The following GPHN variants were observed in gnomAD, a reference collection of about 807,000 sequenced individuals.
The protein encoded by GPHN is gephyrin.
A neutral mutation model predicts 95.5 loss-of-function variants in GPHN; 17 were observed. The ratio of observed to expected loss-of-function variants is 0.18; its 90% CI spans 0.12 to 0.27. The LOEUF is 0.27. Ranked by LOEUF, GPHN falls within the 10% of genes least tolerant of loss-of-function variation. The pLI is 1.00. For missense variants in GPHN, 660 were observed against 978.1 expected, an observed-to-expected ratio of 0.67 and a Z score of 4.34; for synonymous variants, 320 against 322.5, an observed-to-expected ratio of 0.99 and a Z score of 0.08.
At chr14:67,666,226 T>C in the GPHN span, among the ~76,000 whole-genome samples, 5,572 of 152,210 alleles carry the variant, frequency 0.037, 296 homozygotes, top group African/African-American at 0.12. Context: ...AGTCATAAAT[T>C]CTCCTCCTTT....
the GPHN span, among the ~76,000 whole-genome samples, chr14:67,244,239 C>T: frequency 6.6e-6 from 1 of 152,128 alleles, no homozygotes; most frequent in African/African-American, 2.4e-5. Context: ...CATGTGTGGA[C>T]GCTTTCCTAG....
chr14:67,029,629 G>C (rs576549560), intron 10 of GPHN, among the ~76,000 whole-genome samples: 59 of 152,290 alleles, frequency 3.9e-4, no homozygotes, highest in African/African-American at 1.1e-3. Flanking sequence ...GAGCCACTGC[G>C]CCCAGCCTTA....
At chr14:66,859,141 C>A (rs1194435900) in intron 4 of GPHN, among the ~76,000 whole-genome samples, 1 of 152,100 alleles carries the variant, frequency 6.6e-6, no homozygotes, top group Admixed American at 6.6e-5. Context: ...ATCGTACAGC[C>A]TTAGTGCCTT....
the GPHN span, among the ~76,000 whole-genome samples, chr14:67,538,865 G>A: frequency 6.6e-6 from 1 of 152,104 alleles, no homozygotes; most frequent in Non-Finnish European, 1.5e-5. Context: ...CCCTAAACTA[G>A]GTATAATCTC....
intron 9 of GPHN, among the ~76,000 whole-genome samples, chr14:66,979,321 A>G (rs1011492576): frequency 6.6e-5 from 10 of 152,216 alleles, no homozygotes; most frequent in Non-Finnish European, 1.2e-4. Context: ...TGTTTTATCT[A>G]CACTGAAAAT....
the GPHN span, chr14:67,541,906 C>T: frequency 3.1e-6 from 5 of 1,604,786 alleles, no homozygotes; most frequent in Non-Finnish European, 4.3e-6. Context: ...CCAGCGTAGA[C>T]TGGCAGAAAC....
intron 2 of GPHN, among the ~76,000 whole-genome samples, chr14:66,770,404 T>TC (rs1469048614): frequency 2.0e-5 from 3 of 152,142 alleles, no homozygotes; most frequent in African/African-American, 7.2e-5. Context: ...CTCTGCTCAT[T>TC]CCTGCATCCA....
intron 2 of GPHN, among the ~76,000 whole-genome samples, chr14:66,720,735 T>C (rs8020249): frequency 0.31 from 47,841 of 152,064 alleles, 11,514 homozygotes; most frequent in African/African-American, 0.65. Flanking sequence ...CATGGTGGCT[T>C]ATGCCTGTAA....
the GPHN span, chr14:67,382,647 T>A: frequency 6.3e-7 from 1 of 1,594,660 alleles, no homozygotes; most frequent in East Asian, 2.2e-5. Flanking sequence ...AAAGGAGTTC[T>A]TGTAGGTAAA....
the GPHN span, chr14:67,561,885 A>T: frequency 8.4e-7 from 1 of 1,185,148 alleles, no homozygotes; most frequent in Non-Finnish European, 1.2e-6. Context: ...AAAAAAAAAA[A>T]AGAATTGAAA....
intron 15 of GPHN, among the ~76,000 whole-genome samples, 200 bp downstream of exon 15, chr14:67,112,119 G>A (rs1007829528): frequency 2.0e-5 from 3 of 152,096 alleles, no homozygotes; most frequent in African/African-American, 7.2e-5. Context: ...TGGTAAAGGC[G>A]AGTTAGTCAA....
chr14:67,182,777 C>T (rs1284355615), downstream of GPHN, among the ~76,000 whole-genome samples: 2 of 150,004 alleles, frequency 1.3e-5, no homozygotes, highest in African/African-American at 2.5e-5. Flanking sequence ...TGCCATAATA[C>T]AGATTTTAAG....
intron 1 of GPHN, among the ~76,000 whole-genome samples, chr14:66,657,437 G>A (rs1418605727): frequency 6.6e-6 from 1 of 152,204 alleles, no homozygotes; most frequent in Non-Finnish European, 1.5e-5. Context: ...TCAACAACAG[G>A]TTATCAATAT....
chr14:66,677,003 G>A (rs1595507541), intron 1 of GPHN, among the ~76,000 whole-genome samples: 1 of 151,810 alleles, frequency 6.6e-6, no homozygotes, highest in East Asian at 1.9e-4. Context: ...ATTTCTTCCT[G>A]ATTTAATTTG....
chr14:66,563,917 A>G (rs2060361938), intron 1 of GPHN, among the ~76,000 whole-genome samples: 1 of 152,186 alleles, frequency 6.6e-6, no homozygotes, highest in Non-Finnish European at 1.5e-5. Context: ...AGTTTAATTC[A>G]TAGACCATAG....
chr14:66,949,156 C>T (rs1459790254), intron 8 of GPHN, among the ~76,000 whole-genome samples: 1 of 152,116 alleles, frequency 6.6e-6, no homozygotes, highest in Non-Finnish European at 1.5e-5. Context: ...CACAATCTCA[C>T]CTCACGCAAC....
the GPHN span, among the ~76,000 whole-genome samples, chr14:67,682,094 C>T: frequency 6.6e-6 from 1 of 152,132 alleles, no homozygotes; most frequent in Non-Finnish European, 1.5e-5. Context: ...GACTTCTCAG[C>T]CTCCGGAACC....
chr14:66,750,970 A>G (rs952107491), intron 2 of GPHN, among the ~76,000 whole-genome samples: 1 of 151,762 alleles, frequency 6.6e-6, no homozygotes, highest in Non-Finnish European at 1.5e-5. Flanking sequence ...ATTATGTGTT[A>G]TTTTCATATC....
chr14:67,243,113 C>G, the GPHN span, among the ~76,000 whole-genome samples: 1 of 151,926 alleles, frequency 6.6e-6, no homozygotes, highest in Non-Finnish European at 1.5e-5. Context: ...CCCTATTTCT[C>G]TGATATTTTC....
Sources: allele counts gnomAD v4.1 joint callset (sites outside exome capture counted in the v4.1 genomes callset), GRCh38; gene constraint gnomAD v4.1.1; transcripts MANE v1.5; gene names NCBI Gene and HGNC (gene_info 2026-07-23, HGNC 2026-07-21).